The following CHST9 variants were observed in gnomAD, a reference collection of about 807,000 sequenced individuals.
CHST9 encodes the protein GalNAc-4-sulfotransferase 2.
Under a neutral mutation model 44.4 loss-of-function variants are expected in CHST9, and 41 were observed. The ratio of observed to expected loss-of-function variants is 0.92; its 90% CI spans 0.72 to 1.20. The LOEUF (loss-of-function observed/expected upper bound fraction) is 1.20, where lower values mean the gene tolerates loss of function less well. Ranked by LOEUF, CHST9 falls within the 50% of genes most tolerant of loss-of-function variation. The pLI is 0.00. For missense variants in CHST9, 504 were observed against 516.5 expected (o/e 0.98, Z 0.23); for synonymous variants, 171 against 178.4 (o/e 0.96, Z 0.33).
intron 2 of CHST9, among the ~76,000 whole-genome samples, chr18:27,068,128 A>C (rs1414361790): frequency 6.6e-6 from 1 of 152,128 alleles, no homozygotes; most frequent in Non-Finnish European, 1.5e-5. Flanking sequence ...CTCGAGTGGG[A>C]ATTAGAGAAA....
At chr18:27,016,727 A>G (rs574045911) in intron 4 of CHST9, among the ~76,000 whole-genome samples, 10 of 152,318 alleles carry the variant, frequency 6.6e-5, no homozygotes, top group Non-Finnish European at 1.3e-4. Flanking sequence ...TGTTTTATAT[A>G]TCTATACTTA....
chr18:27,168,265 G>A (rs972375799), intron 1 of CHST9, among the ~76,000 whole-genome samples: 32 of 151,926 alleles, frequency 2.1e-4, no homozygotes, highest in Non-Finnish European at 3.8e-4. Flanking sequence ...TAGTAGAGAC[G>A]GGGTTTCACT....
Position 26,965,540 on chromosome 18 carries a change from C to T in CHST9, c.203-21174G>A, listed in dbSNP as rs529000100. Among the ~76,000 whole-genome samples the T allele has an allele frequency of 1.1e-4, 17 of 152,268 alleles. 1 individual carries two copies. Among genetic ancestry groups the T allele is most frequent in the African/African-American group, 3.6e-4 (15 of 41,548 alleles). On this transcript the variant is annotated intron_variant, in intron 4 of 5. Coordinates refer to ENST00000618847, the MANE Select transcript of CHST9 (RefSeq NM_031422.6). The stretch of plus-strand genomic sequence containing the variant: ...TCACAGACCTAAGTTCAAGTCTGAG[C>T]GCTACCACCATTAGCTGAGCAACAC...
chr18:26,920,880 C>T (rs1476149682), intron 5 of CHST9, among the ~76,000 whole-genome samples: 2 of 152,170 alleles, frequency 1.3e-5, no homozygotes, highest in African/African-American at 4.8e-5. Context: ...CAAATCAGAT[C>T]AGTTCAAAGT....
intron 1 of CHST9, among the ~76,000 whole-genome samples, chr18:27,148,526 T>C (rs34798236): frequency 0.41 from 58,946 of 143,204 alleles, 12,240 homozygotes; most frequent in East Asian, 0.61. Flanking sequence ...TTTGTCCTTG[T>C]GATAGTTTGC....
intron 3 of CHST9, among the ~76,000 whole-genome samples, chr18:27,046,718 T>C (rs1381101548): frequency 6.6e-6 from 1 of 152,060 alleles, no homozygotes; most frequent in Non-Finnish European, 1.5e-5. Context: ...CTCAGACTAT[T>C]GTTACAAATT....
intron 2 of CHST9, among the ~76,000 whole-genome samples, chr18:27,111,686 G>T (rs1023116419): frequency 3.3e-5 from 5 of 152,326 alleles, no homozygotes; most frequent in Middle Eastern, 6.8e-3. Context: ...TGCCCACATA[G>T]CTGGTTAAAC....
chr18:27,175,770 G>A (rs902179158), intron 1 of CHST9, among the ~76,000 whole-genome samples: 7 of 151,926 alleles, frequency 4.6e-5, no homozygotes, highest in African/African-American at 1.5e-4. Flanking sequence ...TGAAGCAGGC[G>A]TTGTAGTATT....
intron 4 of CHST9, among the ~76,000 whole-genome samples, chr18:26,991,688 C>T (rs775363566): frequency 1.5e-5 from 1 of 67,018 alleles, no homozygotes; most frequent in Non-Finnish European, 4.1e-5. Flanking sequence ...AAGCAGGAGA[C>T]GATGGTGACT....
chr18:26,960,194 G>T (rs1220437381), intron 4 of CHST9, among the ~76,000 whole-genome samples: 4 of 152,312 alleles, frequency 2.6e-5, no homozygotes, highest in Admixed American at 6.5e-5. Flanking sequence ...GCAGTCTTCT[G>T]CAGAGAGATG....
chr18:26,970,852 G>A, intron 4 of CHST9, among the ~76,000 whole-genome samples: 1 of 152,152 alleles, frequency 6.6e-6, no homozygotes, highest in Non-Finnish European at 1.5e-5. Flanking sequence ...AAAGAAATCT[G>A]GCCTCTACCC....
Position 27,024,095 on chromosome 18 carries a change from CATT to C in CHST9, c.202+18_202+20del. 2 of 1,609,534 alleles carry C rather than the reference CATT, an allele frequency of 1.2e-6. No homozygotes were observed. Among genetic ancestry groups the C allele is most frequent in the Non-Finnish European group, 1.7e-6 (2 of 1,177,010 alleles). ...TATCTATAACTACCCAAGATTCAAA[CATT>C]ATGAGGAAGTTACTCACTGATTCTG... is the stretch of plus-strand genomic sequence containing the variant. On this transcript the variant is annotated intron_variant, in intron 4 of 5. Transcript: ENST00000618847.
chr18:26,994,063 A>G (rs1233009638), intron 4 of CHST9, among the ~76,000 whole-genome samples: 1 of 152,188 alleles, frequency 6.6e-6, no homozygotes, highest in Non-Finnish European at 1.5e-5. Flanking sequence ...TCTTATAAGA[A>G]TGACTGTCAG....
In CHST9 at chr18:26,988,856, G is replaced by C. The variant is rs138177637; in HGVS notation, c.202+35260C>G. Among the ~76,000 whole-genome samples, 601 of 152,034 alleles carry C rather than the reference G, an allele frequency of 4.0e-3. 3 individuals carry two copies. The highest frequency in any genetic ancestry group is 0.014 in the African/African-American group (586 of 41,472). Reference sequence around the variant, plus strand: ...TAACATATGTTTTCTGGCCATAATGGAATTAAATTAGAAATCAATAATGTG... The same window carrying C: ...TAACATATGTTTTCTGGCCATAATGCAATTAAATTAGAAATCAATAATGTG... On this transcript the variant is annotated intron_variant, in intron 4 of 5. Transcript: ENST00000618847.
intron 3 of CHST9, among the ~76,000 whole-genome samples, chr18:27,040,811 A>C (rs895066933): frequency 1.3e-5 from 2 of 152,144 alleles, no homozygotes; most frequent in African/African-American, 2.4e-5. Context: ...AGAACAAGTT[A>C]GGCATCTGTT....
At chr18:27,133,741 A>C (rs139248814) in intron 2 of CHST9, among the ~76,000 whole-genome samples, 57 of 152,334 alleles carry the variant, frequency 3.7e-4, no homozygotes, top group African/African-American at 1.2e-3. Context: ...CACTTTACAT[A>C]GGATGTTTGG....
rs369080400 is a variant in CHST9 at position 27,122,518 on chromosome 18, T to C, written c.121+20171A>G. Among the ~76,000 whole-genome samples, 13 of 152,334 alleles carry C rather than the reference T, an allele frequency of 8.5e-5. No individual in the cohort carries two copies. The South Asian group carries it at 2.5e-3, about 29-fold the overall frequency. ...AAGGAAAGAAAGTACATAATTACGC[T>C]AGTTTCAGTTAAGACTTAGGTAATA... On this transcript the variant is annotated intron_variant, in intron 2 of 5. Transcript: ENST00000618847.
intron 1 of CHST9, among the ~76,000 whole-genome samples, chr18:27,149,840 C>T (rs2058646072): frequency 6.6e-6 from 1 of 151,884 alleles, no homozygotes; most frequent in Non-Finnish European, 1.5e-5. Flanking sequence ...CCGTATTTTT[C>T]ATTTCTAATA....
intron 3 of CHST9, among the ~76,000 whole-genome samples, chr18:27,033,300 A>ACAAT (rs1221532903): frequency 6.6e-6 from 1 of 152,180 alleles, no homozygotes; most frequent in African/African-American, 2.4e-5. Flanking sequence ...TGTCTGGTAG[A>ACAAT]CAATCACCCA....
Sources: gnomAD v4.1 joint callset for allele counts (sites outside exome capture counted in the v4.1 genomes callset) on GRCh38, gnomAD v4.1.1 for gene constraint, MANE v1.5 for transcripts, NCBI Gene and HGNC (gene_info 2026-07-23, HGNC 2026-07-21) for gene names.